RBFOX1: variants seen among roughly 807,000 people sequenced by gnomAD.
The protein encoded by RBFOX1 is RNA binding fox-1 homolog 1.
In RBFOX1, 8 loss-of-function variants were observed where a neutral mutation model predicts 57.7. That is an observed-to-expected ratio of 0.14 (90% CI 0.08 to 0.25). The LOEUF (loss-of-function observed/expected upper bound fraction) is 0.25. Ranked by LOEUF, RBFOX1 falls within the 10% of genes least tolerant of loss-of-function variation. RBFOX1 has a pLI of 1.00. For missense variants in RBFOX1, 611 were observed against 548.5 expected (o/e 1.11, Z -1.14); for synonymous variants, 326 against 222.4 (o/e 1.47, Z -4.15).
chr16:6,839,545 A>G (rs936758656), intron 3 of RBFOX1, among the ~76,000 whole-genome samples: 2 of 152,204 alleles, frequency 1.3e-5, no homozygotes, highest in Admixed American at 1.3e-4. Context: ...CAAGGAGGGT[A>G]TCTGAGAACA....
At chr16:6,256,457 C>G (rs894294069) in intron 1 of RBFOX1, among the ~76,000 whole-genome samples, 8 of 151,150 alleles carry the variant, frequency 5.3e-5, no homozygotes, top group African/African-American at 1.9e-4. Context: ...CCTTGGAGCC[C>G]TGGGACAGAG....
chr16:6,764,994 CATA>C, intron 3 of RBFOX1, among the ~76,000 whole-genome samples: 1 of 151,512 alleles, frequency 6.6e-6, no homozygotes, highest in South Asian at 2.1e-4. Context: ...AATGGAGAAT[CATA>C]ATGTGTGTGT....
intron 11 of RBFOX1, among the ~76,000 whole-genome samples, chr16:7,640,837 T>G (rs1440424244): frequency 6.6e-6 from 1 of 151,788 alleles, no homozygotes; most frequent in Admixed American, 6.6e-5. Context: ...AGGCTTATTT[T>G]GAGAGTTTAT....
chr16:5,497,548 G>T (rs929655764), intron 2 of RBFOX1, among the ~76,000 whole-genome samples: 2 of 150,806 alleles, frequency 1.3e-5, no homozygotes, highest in African/African-American at 2.5e-5. Context: ...GGTGAGAGGC[G>T]GGTGAATCAC....
chr16:6,646,818 AGAGT>A (rs1409972575), intron 2 of RBFOX1, among the ~76,000 whole-genome samples: 12 of 152,222 alleles, frequency 7.9e-5, no homozygotes, highest in East Asian at 3.9e-4. Context: ...GTTTTTAGTA[AGAGT>A]GAGGGGTGTT....
chr16:6,539,649 T>G (rs2096784101), intron 2 of RBFOX1, among the ~76,000 whole-genome samples: 1 of 151,922 alleles, frequency 6.6e-6, no homozygotes, highest in Non-Finnish European at 1.5e-5. Context: ...AATACAAAAA[T>G]TAGCCATGCC....
At chr16:5,801,947 T>A (rs546267776) in intron 3 of RBFOX1, among the ~76,000 whole-genome samples, 1 of 152,144 alleles carries the variant, frequency 6.6e-6, no homozygotes, top group South Asian at 2.1e-4. Flanking sequence ...CCCCGGAGGG[T>A]TGGACGTGTG....
chr16:6,785,308 T>A (rs1365280222), intron 3 of RBFOX1, among the ~76,000 whole-genome samples: 1 of 152,126 alleles, frequency 6.6e-6, no homozygotes, highest in African/African-American at 2.4e-5. Context: ...CCATAAGCCA[T>A]CTCATTTATC....
intron 3 of RBFOX1, among the ~76,000 whole-genome samples, chr16:5,754,464 C>A (rs1476251441): frequency 8.0e-5 from 12 of 149,792 alleles, no homozygotes; most frequent in African/African-American, 3.0e-4. Flanking sequence ...AAGAAAAAGA[C>A]ACAGAGACAA....
At chr16:6,955,218 G>T (rs1011029185) in intron 3 of RBFOX1, among the ~76,000 whole-genome samples, 1 of 152,002 alleles carries the variant, frequency 6.6e-6, no homozygotes, top group African/African-American at 2.4e-5. Context: ...TCCAGCCTGC[G>T]CAACAGAGTG....
chr16:7,058,416 C>T (rs573742768), intron 4 of RBFOX1, among the ~76,000 whole-genome samples: 1 of 152,208 alleles, frequency 6.6e-6, no homozygotes, highest in Admixed American at 6.5e-5. Flanking sequence ...GCAAAATACA[C>T]TATTAAGAAT....
intron 1 of RBFOX1, among the ~76,000 whole-genome samples, chr16:5,255,441 C>A (rs1229162135): frequency 6.6e-6 from 1 of 151,664 alleles, no homozygotes; most frequent in Non-Finnish European, 1.5e-5. Flanking sequence ...CCCATCTATC[C>A]ATCCAATCCA....
intron 4 of RBFOX1, among the ~76,000 whole-genome samples, chr16:7,231,958 G>A (rs1383906892): frequency 2.6e-5 from 4 of 152,124 alleles, no homozygotes. Context: ...ATGGAATGAT[G>A]ACGTATTTTG....
At chr16:7,378,281 G>T (rs1217839792) in intron 4 of RBFOX1, among the ~76,000 whole-genome samples, 1 of 152,156 alleles carries the variant, frequency 6.6e-6, no homozygotes, top group African/African-American at 2.4e-5. Flanking sequence ...GGAGGATCGG[G>T]AGGCAAGGGA....
At chr16:7,610,118 C>CTT (rs34468596) in intron 10 of RBFOX1, among the ~76,000 whole-genome samples, 30,280 of 65,374 alleles carry the variant, frequency 0.46, 9,208 homozygotes, top group Non-Finnish European at 0.56. Context: ...GCCCGGCCCC[C>CTT]TTTTTTTTTT....
At chr16:5,467,220 T>A in exon 2 of RBFOX1, 1 of 1,493,592 alleles carries the variant, frequency 6.7e-7, no homozygotes, top group Non-Finnish European at 9.0e-7. Context: ...ATGCAGGATC[T>A]ACTGTGCCTG....
At chr16:5,363,633 C>T (rs1441326051) in intron 1 of RBFOX1, among the ~76,000 whole-genome samples, 2 of 152,128 alleles carry the variant, frequency 1.3e-5, no homozygotes, top group Middle Eastern at 3.2e-3. Context: ...GTAGGTAGCA[C>T]CTTGTACTAA....
At chr16:7,654,636 A>G (rs138996406) in intron 12 of RBFOX1, among the ~76,000 whole-genome samples, 286 of 149,322 alleles carry the variant, frequency 1.9e-3, no homozygotes, top group Non-Finnish European at 1.9e-3. Context: ...AATGCTCAGT[A>G]AAAGAAAAAA....
intron 4 of RBFOX1, among the ~76,000 whole-genome samples, chr16:5,983,798 C>T (rs2060221731): frequency 1.3e-5 from 2 of 151,774 alleles, no homozygotes; most frequent in East Asian, 1.9e-4. Context: ...GCCAGGCTGT[C>T]GGGGGGTGTC....
Sources: gnomAD v4.1 joint callset for allele counts (sites outside exome capture counted in the v4.1 genomes callset) on GRCh38, gnomAD v4.1.1 for gene constraint, MANE v1.5 for transcripts, NCBI Gene and HGNC (gene_info 2026-07-23, HGNC 2026-07-21) for gene names.